The following COL25A1 variants were observed in gnomAD, a reference collection of about 807,000 sequenced individuals.
COL25A1 encodes the protein collagen type XXV alpha 1 chain.
COL25A1 carries 103 observed loss-of-function variants against 128.4 expected under a neutral mutation model. That is an observed-to-expected ratio of 0.80 (90% CI 0.68 to 0.94). The LOEUF (loss-of-function observed/expected upper bound fraction) is 0.94. Among genes scored for constraint, COL25A1 ranks in the 40% least tolerant of loss-of-function variants. COL25A1 has a pLI of 0.00. For synonymous variants in COL25A1, 279 were observed against 277.2 expected, an observed-to-expected ratio of 1.01 and a Z score of -0.06; for missense variants, 745 against 840.0, an observed-to-expected ratio of 0.89 and a Z score of 1.40.
At chr4:109,178,200 G>GA (rs1432423290) in intron 3 of COL25A1, among the ~76,000 whole-genome samples, 1 of 152,088 alleles carries the variant, frequency 6.6e-6, no homozygotes, top group African/African-American at 2.4e-5. Flanking sequence ...ACAAACATCT[G>GA]AAGCATTCCT....
intron 3 of COL25A1, among the ~76,000 whole-genome samples, chr4:109,111,520 T>C (rs1025053280): frequency 6.6e-6 from 1 of 152,216 alleles, no homozygotes; most frequent in Non-Finnish European, 1.5e-5. Context: ...TGTCTTGCAT[T>C]CGGAATCCTT....
intron 12 of COL25A1, among the ~76,000 whole-genome samples, chr4:108,920,102 T>A (rs1415416840): frequency 1.3e-5 from 2 of 152,156 alleles, no homozygotes; most frequent in Admixed American, 6.5e-5. Context: ...TGATTGCGGA[T>A]AACAATGAAA....
At chr4:109,029,615 T>C (rs1758642239) in intron 5 of COL25A1, among the ~76,000 whole-genome samples, 1 of 152,236 alleles carries the variant, frequency 6.6e-6, no homozygotes, top group African/African-American at 2.4e-5. Flanking sequence ...GTGGTATATG[T>C]GTATACATAT....
At chr4:108,943,308 C>T (rs1317310766) in intron 8 of COL25A1, among the ~76,000 whole-genome samples, 2 of 152,184 alleles carry the variant, frequency 1.3e-5, no homozygotes, top group Non-Finnish European at 2.9e-5. Flanking sequence ...CAACTCAGGA[C>T]ATACAATACG....
intron 3 of COL25A1, among the ~76,000 whole-genome samples, chr4:109,085,007 G>A (rs907922255): frequency 1.3e-5 from 2 of 151,904 alleles, no homozygotes; most frequent in African/African-American, 4.8e-5. Context: ...TCTTTTTTCA[G>A]TCTCCATGTC....
chr4:109,121,596 G>A (rs947486307), intron 3 of COL25A1, among the ~76,000 whole-genome samples: 3 of 152,052 alleles, frequency 2.0e-5, no homozygotes, highest in Non-Finnish European at 4.4e-5. Context: ...CTATTAGAAT[G>A]ACCAAAATCT....
At chr4:109,272,792 T>C (rs926177268) in intron 3 of COL25A1, among the ~76,000 whole-genome samples, 2 of 152,142 alleles carry the variant, frequency 1.3e-5, no homozygotes, top group Non-Finnish European at 2.9e-5. Context: ...TCATGAAGTA[T>C]GGGTAGGCAT....
At chr4:108,838,284 C>T (rs1174046288) in intron 31 of COL25A1, 3 of 748,652 alleles carry the variant, frequency 4.0e-6, no homozygotes, top group Non-Finnish European at 6.8e-6. Flanking sequence ...TTTTAGGAAA[C>T]AGCAGAGTCA....
intron 14 of COL25A1, among the ~76,000 whole-genome samples, chr4:108,899,722 G>GGTAAAGCA (rs770415527): frequency 5.9e-5 from 9 of 152,100 alleles, no homozygotes; most frequent in Non-Finnish European, 8.8e-5. Flanking sequence ...TTTAGCTTCT[G>GGTAAAGCA]GTAAAGAGCA....
chr4:108,845,676 A>G (rs1734998311), intron 28 of COL25A1, among the ~76,000 whole-genome samples: 1 of 152,190 alleles, frequency 6.6e-6, no homozygotes, highest in South Asian at 2.1e-4. Flanking sequence ...AACAATTTTT[A>G]CATTTTCTCC....
At position 108,920,562 on chromosome 4, in the gene COL25A1, G is replaced by A. The variant is rs1177513120; in HGVS notation, c.735+16C>T. On this transcript the variant is annotated intron_variant, in intron 12 of 37. Coordinates refer to ENST00000399132, the MANE Select transcript of COL25A1 (RefSeq NM_198721.4). ...AGAGCATAATTACTTTCACAATATT[G>A]TTGTTTATACTCTACCTTTTGTCCC... The A allele has an allele frequency of 2.5e-6, 4 of 1,591,290 alleles. No individual in the cohort carries two copies. The highest frequency in any genetic ancestry group is 3.4e-6 in the Non-Finnish European group (4 of 1,164,764).
chr4:109,233,954 C>G (rs1381309260), intron 3 of COL25A1, among the ~76,000 whole-genome samples: 1 of 152,134 alleles, frequency 6.6e-6, no homozygotes, highest in Non-Finnish European at 1.5e-5. Flanking sequence ...ACTTGAGCAA[C>G]AGAAGTGCAA....
chr4:108,834,188 T>C (rs889025213), intron 31 of COL25A1, among the ~76,000 whole-genome samples: 1 of 152,204 alleles, frequency 6.6e-6, no homozygotes, highest in Non-Finnish European at 1.5e-5. Flanking sequence ...CCGTCCTCTG[T>C]CCACCTTTCC....
chr4:108,943,749 TGA>T (rs977675982), intron 8 of COL25A1, among the ~76,000 whole-genome samples: 6 of 151,874 alleles, frequency 4.0e-5, no homozygotes, highest in Non-Finnish European at 7.4e-5. Context: ...TGGGTAAGTC[TGA>T]GAGAGAAATT....
At chr4:109,233,085 T>G (rs1023349325) in intron 3 of COL25A1, among the ~76,000 whole-genome samples, 2 of 152,172 alleles carry the variant, frequency 1.3e-5, no homozygotes, top group African/African-American at 4.8e-5. Flanking sequence ...TTTCCTTCCT[T>G]CCAAATATGG....
intron 33 of COL25A1, among the ~76,000 whole-genome samples, chr4:108,825,491 TA>T (rs916410135): frequency 4.6e-5 from 7 of 152,066 alleles, no homozygotes; most frequent in African/African-American, 1.7e-4. Flanking sequence ...AAATTAAAAG[TA>T]AAAAATACTG....
At chr4:109,068,879 A>G (rs933865230) in intron 3 of COL25A1, among the ~76,000 whole-genome samples, 18 of 152,160 alleles carry the variant, frequency 1.2e-4, no homozygotes, top group African/African-American at 3.9e-4. Context: ...ATACAAACAG[A>G]GGAGACAGGA....
chr4:109,024,117 T>C (rs1042134536), intron 5 of COL25A1, among the ~76,000 whole-genome samples: 1 of 152,198 alleles, frequency 6.6e-6, no homozygotes, highest in African/African-American at 2.4e-5. Flanking sequence ...TTGTGTTAGA[T>C]GATTTTGTCC....
intron 3 of COL25A1, among the ~76,000 whole-genome samples, chr4:109,116,712 G>A (rs1767602190): frequency 6.6e-6 from 1 of 151,934 alleles, no homozygotes; most frequent in South Asian, 2.1e-4. Flanking sequence ...ATCAAACCAG[G>A]ATTTTTTAAA....
Sources: allele counts gnomAD v4.1 joint callset (sites outside exome capture counted in the v4.1 genomes callset), GRCh38; gene constraint gnomAD v4.1.1; transcripts MANE v1.5; gene names NCBI Gene and HGNC (gene_info 2026-07-23, HGNC 2026-07-21).